ZNF423: variants seen among roughly 807,000 people sequenced by gnomAD.
ZNF423 encodes zinc finger protein 423.
A neutral mutation model predicts 95.8 loss-of-function variants in ZNF423; 12 were observed. The ratio of observed to expected loss-of-function variants is 0.13; its 90% CI spans 0.08 to 0.20. The LOEUF is 0.20. Among genes scored for constraint, ZNF423 ranks in the 10% least tolerant of loss-of-function variants. ZNF423 has a pLI of 1.00. For synonymous variants in ZNF423, 749 were observed against 711.9 expected (o/e 1.05, Z -0.83); for missense variants, 1,316 against 1,737.1 (o/e 0.76, Z 4.31).
At chr16:49,746,742 G>A (rs1343990506) in intron 2 of ZNF423, among the ~76,000 whole-genome samples, 5 of 152,260 alleles carry the variant, frequency 3.3e-5, no homozygotes, top group East Asian at 3.9e-4. Flanking sequence ...AAAGTGCTGC[G>A]GTTACAGGCG....
chr16:49,525,267 G>A (rs904066192), intron 6 of ZNF423, 96 bp downstream of exon 6: 12 of 1,545,642 alleles, frequency 7.8e-6, no homozygotes, highest in East Asian at 2.3e-5. Context: ...GGCCTGCCAA[G>A]GAAAGAGGAA....
At chr16:49,832,319 A>G (rs1683018637) in intron 1 of ZNF423, among the ~76,000 whole-genome samples, 1 of 152,206 alleles carries the variant, frequency 6.6e-6, no homozygotes, top group Non-Finnish European at 1.5e-5. Flanking sequence ...TGAGCTCATG[A>G]AATGCCTGTC....
At chr16:49,706,297 C>T (rs2032347977) in intron 3 of ZNF423, among the ~76,000 whole-genome samples, 1 of 152,232 alleles carries the variant, frequency 6.6e-6, no homozygotes, top group Non-Finnish European at 1.5e-5. Context: ...TTGGACCCTC[C>T]GTAAGATGGG....
At chr16:49,516,967 T>C (rs552185517) in intron 7 of ZNF423, among the ~76,000 whole-genome samples, 15 of 152,310 alleles carry the variant, frequency 9.8e-5, no homozygotes, top group South Asian at 8.3e-4. Flanking sequence ...TTGAGCTACC[T>C]AGGGTGTCTG....
intron 1 of ZNF423, among the ~76,000 whole-genome samples, chr16:49,830,533 G>C (rs2035050427): frequency 6.6e-6 from 1 of 152,202 alleles, no homozygotes; most frequent in Admixed American, 6.5e-5. Context: ...GGATGTTCAA[G>C]GGATGCCGTT....
chr16:49,499,113 G>A (rs954429419), intron 7 of ZNF423, among the ~76,000 whole-genome samples: 13 of 152,168 alleles, frequency 8.5e-5, no homozygotes, highest in Admixed American at 7.9e-4. Context: ...CCTCATTTAC[G>A]CAGATGGCAG....
intron 5 of ZNF423, among the ~76,000 whole-genome samples, chr16:49,538,658 C>T (rs1969141082): frequency 6.6e-6 from 1 of 152,204 alleles, no homozygotes; most frequent in South Asian, 2.1e-4. Context: ...ACCCAGCTTC[C>T]TCCTGGCCCA....
intron 3 of ZNF423, among the ~76,000 whole-genome samples, chr16:49,722,326 G>A (rs966912441): frequency 6.6e-6 from 1 of 152,198 alleles, no homozygotes; most frequent in Non-Finnish European, 1.5e-5. Context: ...CTTCCTGAGA[G>A]CTATAGAGAA....
chr16:49,527,197 T>C (rs4785317), intron 5 of ZNF423, among the ~76,000 whole-genome samples: 150,780 of 152,292 alleles, frequency 0.99, 74,647 homozygotes, highest in Middle Eastern at 1. Context: ...CACAGGTGGG[T>C]CTGCCCCACA....
chr16:49,724,804 G>A (rs780920856), intron 3 of ZNF423, among the ~76,000 whole-genome samples: 1 of 152,214 alleles, frequency 6.6e-6, no homozygotes, highest in Non-Finnish European at 1.5e-5. Context: ...ACAGGGGCCA[G>A]GGAAACACTC....
intron 5 of ZNF423, among the ~76,000 whole-genome samples, chr16:49,551,270 A>C (rs1969624101): frequency 6.6e-6 from 1 of 152,222 alleles, no homozygotes; most frequent in African/African-American, 2.4e-5. Flanking sequence ...CTCAGTTCCA[A>C]CATCCAACGC....
intron 1 of ZNF423, among the ~76,000 whole-genome samples, chr16:49,852,607 C>T (rs542959963): frequency 6.6e-6 from 1 of 152,120 alleles, no homozygotes; most frequent in East Asian, 1.9e-4. Flanking sequence ...AACCACCACA[C>T]CATACCACAC....
chr16:49,664,533 C>T (rs1028426997), intron 3 of ZNF423, among the ~76,000 whole-genome samples: 12 of 151,942 alleles, frequency 7.9e-5, no homozygotes, highest in African/African-American at 1.2e-4. Context: ...GGCCTGGGGC[C>T]GGCGCCATGC....
chr16:49,657,058 C>T (rs927379931), intron 3 of ZNF423, among the ~76,000 whole-genome samples: 1 of 152,172 alleles, frequency 6.6e-6, no homozygotes, highest in African/African-American at 2.4e-5. Flanking sequence ...TTCAGGGGCA[C>T]AAGCATTCTG....
chr16:49,518,038 A>T (rs1968226084), intron 7 of ZNF423: 1 of 451,208 alleles, frequency 2.2e-6, no homozygotes, highest in Non-Finnish European at 4.4e-6. Context: ...CCTGGTGATG[A>T]TATTGGCGGC....
intron 5 of ZNF423, among the ~76,000 whole-genome samples, chr16:49,571,905 T>G (rs931785118): frequency 3.9e-5 from 6 of 152,352 alleles, no homozygotes; most frequent in South Asian, 2.1e-4. Flanking sequence ...TGCTCCATAT[T>G]TATTTTGAAA....
rs1394708088 is a variant in ZNF423, at chr16:49,584,367, T to A, written c.3601+41803A>T. Among the ~76,000 whole-genome samples the A allele has an allele frequency of 2.0e-5, 3 of 152,332 alleles. No individual in the cohort carries two copies. In the East Asian group the frequency reaches 5.8e-4, roughly 29 times the overall value. On this transcript the variant is annotated intron_variant, in intron 5 of 7. Coordinates refer to ENST00000563137, the MANE Select transcript of ZNF423 (RefSeq NM_001379286.1). ...TCTACTGCCTACGCTTAGGGCATCC[T>A]GTACTTTGTCCAAAAACTGTGTTTT...
At chr16:49,515,929 G>A (rs1968120401) in intron 7 of ZNF423, among the ~76,000 whole-genome samples, 1 of 152,162 alleles carries the variant, frequency 6.6e-6, no homozygotes, top group Non-Finnish European at 1.5e-5. Flanking sequence ...CGCTGGCATG[G>A]GGCCGATAGG....
intron 5 of ZNF423, among the ~76,000 whole-genome samples, chr16:49,552,598 A>C (rs1341265473): frequency 2.0e-5 from 3 of 152,188 alleles, no homozygotes; most frequent in Admixed American, 6.5e-5. Context: ...GGATTTCTAA[A>C]TCCTCAGCCA....
Sources: allele counts gnomAD v4.1 joint callset (sites outside exome capture counted in the v4.1 genomes callset), GRCh38; gene constraint gnomAD v4.1.1; transcripts MANE v1.5; gene names NCBI Gene and HGNC (gene_info 2026-07-23, HGNC 2026-07-21).